Variants in HPSE2 observed in about 807,000 individuals in gnomAD.
HPSE2 encodes inactive heparanase-2.
Under a neutral mutation model 60.5 loss-of-function variants are expected in HPSE2, and 38 were observed. That is an observed-to-expected ratio of 0.63 (90% CI 0.48 to 0.82). HPSE2 has a LOEUF of 0.82. HPSE2 is among the 40% of genes least tolerant of loss of function. HPSE2 has a pLI of 0.00. For synonymous variants in HPSE2, 295 were observed against 293.2 expected, an observed-to-expected ratio of 1.01 and a Z score of -0.06; for missense variants, 713 against 740.4, an observed-to-expected ratio of 0.96 and a Z score of 0.43.
intron 5 of HPSE2, among the ~76,000 whole-genome samples, chr10:98,719,007 A>G (rs1948856761): frequency 6.6e-6 from 1 of 152,212 alleles, no homozygotes; most frequent in South Asian, 2.1e-4. Context: ...TACGATTTTT[A>G]TGTATCAATA....
At chr10:98,548,147 A>G (rs887397574) in intron 9 of HPSE2, among the ~76,000 whole-genome samples, 9 of 152,220 alleles carry the variant, frequency 5.9e-5, no homozygotes, top group African/African-American at 9.6e-5. Flanking sequence ...TCCATAAAAG[A>G]ACAAAGCATT....
chr10:98,942,884 T>C (rs1955054686), intron 3 of HPSE2, among the ~76,000 whole-genome samples: 2 of 151,742 alleles, frequency 1.3e-5, no homozygotes, highest in Non-Finnish European at 2.9e-5. Context: ...ATATACACCA[T>C]GGAATACTAT....
At chr10:98,980,316 G>A (rs1161277218) in intron 3 of HPSE2, among the ~76,000 whole-genome samples, 3 of 152,044 alleles carry the variant, frequency 2.0e-5, no homozygotes, top group Non-Finnish European at 4.4e-5. Flanking sequence ...TGTTATTACT[G>A]TTGTTAAAAA....
intron 3 of HPSE2, among the ~76,000 whole-genome samples, chr10:98,779,863 A>C (rs714391): frequency 0.71 from 107,567 of 151,900 alleles, 39,117 homozygotes; most frequent in South Asian, 0.81. Flanking sequence ...GTCCAAACCA[A>C]TGGAAGTAAC....
intron 10 of HPSE2, among the ~76,000 whole-genome samples, chr10:98,483,709 T>A (rs1941334590): frequency 6.6e-6 from 1 of 152,238 alleles, no homozygotes; most frequent in Admixed American, 6.5e-5. Flanking sequence ...TTGCCATGTT[T>A]CATTTCCCTC....
At chr10:99,039,436 T>C (rs1957684965) in intron 3 of HPSE2, among the ~76,000 whole-genome samples, 1 of 151,978 alleles carries the variant, frequency 6.6e-6, no homozygotes, top group Non-Finnish European at 1.5e-5. Flanking sequence ...ACTGGAATAA[T>C]CAACTAAGAT....
intron 9 of HPSE2, among the ~76,000 whole-genome samples, chr10:98,590,261 T>C (rs565773955): frequency 1.8e-4 from 28 of 152,268 alleles, no homozygotes; most frequent in African/African-American, 5.8e-4. Flanking sequence ...GCTAACATGG[T>C]GAAACCCCGT....
intron 3 of HPSE2, among the ~76,000 whole-genome samples, chr10:98,796,636 C>T (rs1050629846): frequency 6.6e-6 from 1 of 152,218 alleles, no homozygotes; most frequent in Admixed American, 6.5e-5. Context: ...TGGTTAGCTT[C>T]ACCACTGGTT....
chr10:98,948,306 T>C (rs1209618329), intron 3 of HPSE2, among the ~76,000 whole-genome samples: 1 of 151,656 alleles, frequency 6.6e-6, no homozygotes, highest in Non-Finnish European at 1.5e-5. Flanking sequence ...GCAAAAAAGG[T>C]GAGGGGGTAA....
At chr10:98,752,284 A>G (rs1271982269) in intron 3 of HPSE2, among the ~76,000 whole-genome samples, 1 of 152,234 alleles carries the variant, frequency 6.6e-6, no homozygotes, top group Non-Finnish European at 1.5e-5. Context: ...AAGAAAGTCA[A>G]GTCCAATATG....
chr10:99,105,359 CTTAT>C (rs776950258), intron 3 of HPSE2, among the ~76,000 whole-genome samples: 4 of 151,724 alleles, frequency 2.6e-5, no homozygotes, highest in African/African-American at 4.8e-5. Context: ...TTTTCATGTG[CTTAT>C]TAGCCATTTG....
intron 6 of HPSE2, among the ~76,000 whole-genome samples, chr10:98,656,664 G>A (rs1488168426): frequency 6.6e-6 from 1 of 151,800 alleles, no homozygotes. Context: ...CTTACTTATA[G>A]ACACTAGATT....
chr10:98,933,855 C>A (rs1954712167), intron 3 of HPSE2, among the ~76,000 whole-genome samples: 1 of 141,416 alleles, frequency 7.1e-6, no homozygotes, highest in South Asian at 2.1e-4. Flanking sequence ...CCTCAGCCTC[C>A]CGAGTAGCTG....
chr10:98,502,623 C>T (rs1437242441), intron 9 of HPSE2, among the ~76,000 whole-genome samples: 1 of 152,144 alleles, frequency 6.6e-6, no homozygotes, highest in Non-Finnish European at 1.5e-5. Flanking sequence ...GAAAAATCCT[C>T]TAGACATTGG....
chr10:99,290,427 C>T, the HPSE2 span, among the ~76,000 whole-genome samples: 3 of 152,316 alleles, frequency 2.0e-5, no homozygotes, highest in Admixed American at 1.3e-4. Context: ...TTCCTACATT[C>T]CTTCCAGGAG....
intron 6 of HPSE2, among the ~76,000 whole-genome samples, chr10:98,677,928 T>C (rs1358078311): frequency 2.6e-5 from 4 of 152,194 alleles, no homozygotes; most frequent in Non-Finnish European, 5.9e-5. Flanking sequence ...CACATTTACT[T>C]ATATTGTGGG....
chr10:99,146,698 T>G (rs1029278507), intron 2 of HPSE2, among the ~76,000 whole-genome samples: 2 of 151,870 alleles, frequency 1.3e-5, no homozygotes, highest in African/African-American at 4.8e-5. Flanking sequence ...CCACCTCTAC[T>G]AAAAATACAA....
intron 8 of HPSE2, among the ~76,000 whole-genome samples, chr10:98,619,659 A>G (rs1372918685): frequency 6.6e-6 from 1 of 152,156 alleles, no homozygotes; most frequent in Non-Finnish European, 1.5e-5. Flanking sequence ...TAGTCACATT[A>G]GTCATTCTCT....
the HPSE2 span, among the ~76,000 whole-genome samples, chr10:99,314,389 G>T: frequency 2.0e-5 from 3 of 151,866 alleles, no homozygotes; most frequent in East Asian, 5.8e-4. Context: ...TCTTGAACTC[G>T]TGAACTCAAG....
Sources: gnomAD v4.1 joint callset for allele counts (sites outside exome capture counted in the v4.1 genomes callset) on GRCh38, gnomAD v4.1.1 for gene constraint, MANE v1.5 for transcripts, NCBI Gene and HGNC (gene_info 2026-07-23, HGNC 2026-07-21) for gene names.